The following RGS20 variants were observed in gnomAD, a reference collection of about 807,000 sequenced individuals.
The protein encoded by RGS20 is regulator of G protein signaling 20.
A neutral mutation model predicts 33.6 loss-of-function variants in RGS20; 30 were observed. The ratio of observed to expected loss-of-function variants is 0.89; its 90% CI spans 0.67 to 1.21. RGS20 has a LOEUF of 1.21. Ranked by LOEUF, RGS20 falls within the 50% of genes most tolerant of loss-of-function variation. The pLI is 0.00. For synonymous variants in RGS20, 208 were observed against 197.9 expected (o/e 1.05, Z -0.43); for missense variants, 472 against 502.4 (o/e 0.94, Z 0.58).
At chr8:53,871,112 C>CA (rs370091533) in intron 1 of RGS20, among the ~76,000 whole-genome samples, 3,300 of 21,404 alleles carry the variant, frequency 0.15, 642 homozygotes, top group Non-Finnish European at 0.22. Flanking sequence ...CTCCATCTCA[C>CA]AAAAAAAAAA....
chr8:53,897,006 C>A (rs1233196097), intron 2 of RGS20, among the ~76,000 whole-genome samples: 1 of 152,132 alleles, frequency 6.6e-6, no homozygotes, highest in Non-Finnish European at 1.5e-5. Context: ...ATGCTACTGT[C>A]CACGGGGGAT....
At chr8:53,879,848 G>A (rs1007420230) in intron 2 of RGS20, 15 of 420,008 alleles carry the variant, frequency 3.6e-5, no homozygotes, top group Middle Eastern at 5.9e-4. Context: ...CCTTTCCATG[G>A]TCCAAGAAAA....
At chr8:53,911,828 C>T (rs893015320) in intron 2 of RGS20, among the ~76,000 whole-genome samples, 1 of 152,106 alleles carries the variant, frequency 6.6e-6, no homozygotes, top group Non-Finnish European at 1.5e-5. Context: ...GTAATCCCAG[C>T]TACTCGGGAG....
chr8:53,950,813 C>T (rs1486276152), intron 4 of RGS20, among the ~76,000 whole-genome samples: 2 of 152,042 alleles, frequency 1.3e-5, no homozygotes, highest in Admixed American at 1.3e-4. Context: ...CGGGGTTTCA[C>T]CATGTTGCCC....
chr8:53,880,960 G>A, intron 2 of RGS20: 4 of 1,575,702 alleles, frequency 2.5e-6, no homozygotes, highest in Non-Finnish European at 2.6e-6. Flanking sequence ...AGCAATCGCC[G>A]ACGTAGAGAG....
chr8:53,947,950 G>GTA (rs1237433062), intron 4 of RGS20, among the ~76,000 whole-genome samples: 1 of 132,808 alleles, frequency 7.5e-6, no homozygotes, highest in Non-Finnish European at 1.5e-5. Flanking sequence ...ATAAGATATA[G>GTA]TATATATATT....
intron 2 of RGS20, among the ~76,000 whole-genome samples, chr8:53,926,787 C>T (rs969476168): frequency 1.3e-5 from 2 of 152,008 alleles, no homozygotes; most frequent in African/African-American, 4.8e-5. Flanking sequence ...TGGTGGGCGC[C>T]TGTAATCCCA....
intron 2 of RGS20, among the ~76,000 whole-genome samples, chr8:53,886,223 A>G (rs887679135): frequency 5.9e-5 from 9 of 152,194 alleles, no homozygotes; most frequent in African/African-American, 1.9e-4. Context: ...CAGCTAGCTC[A>G]AGAGTTAAGG....
chr8:53,879,688 C>T, intron 2 of RGS20: 2 of 1,149,162 alleles, frequency 1.7e-6, no homozygotes, highest in South Asian at 1.8e-5. Flanking sequence ...CCAACTGACC[C>T]GCTCCGCTGG....
chr8:53,925,735 C>CA (rs1285289729), intron 2 of RGS20, among the ~76,000 whole-genome samples: 81 of 142,824 alleles, frequency 5.7e-4, no homozygotes, highest in Admixed American at 3.5e-3. Flanking sequence ...AACTCAGTCT[C>CA]AAAAAAAAAA....
chr8:53,958,224 T>C (rs1277872033), intron 5 of RGS20, 46 bp from the exon 5 acceptor site: 7 of 1,384,928 alleles, frequency 5.1e-6, no homozygotes, highest in Non-Finnish European at 6.8e-6. Flanking sequence ...GGGATAGAGA[T>C]ACAACTGAAG....
chr8:53,954,241 T>C lies in RGS20; in HGVS notation c.909T>C (p.Asn303=), dbSNP rs779476237. The change falls in exon 5 of 6, where the codon AAT becomes AAC. Residue 303 remains asparagine, a synonymous_variant. Transcript: ENST00000297313. ...GTGAGGAACTGAAAAAGGAAGCTAA[T>C]AAAAACATTATTGAAGAGAAAGCAA... is the stretch of plus-strand genomic sequence containing the variant. The C allele has an allele frequency of 8.7e-6, 14 of 1,613,790 alleles. No individual in the cohort carries two copies. Among genetic ancestry groups the C allele is most frequent in the Non-Finnish European group, 1.1e-5 (13 of 1,179,808 alleles).
intron 1 of RGS20, among the ~76,000 whole-genome samples, chr8:53,867,559 C>T (rs1447756331): frequency 6.6e-6 from 1 of 152,146 alleles, no homozygotes; most frequent in Non-Finnish European, 1.5e-5. Flanking sequence ...GCACTCTTTA[C>T]TGTGTAAAAT....
intron 2 of RGS20, among the ~76,000 whole-genome samples, chr8:53,935,812 C>G (rs1452137764): frequency 6.6e-6 from 1 of 152,128 alleles, no homozygotes; most frequent in Non-Finnish European, 1.5e-5. Context: ...AAATTTCAGG[C>G]CAATATCCCT....
intron 2 of RGS20, among the ~76,000 whole-genome samples, chr8:53,925,582 A>G (rs965656659): frequency 4.6e-5 from 7 of 152,030 alleles, no homozygotes; most frequent in African/African-American, 1.7e-4. Flanking sequence ...GTAAAAATAC[A>G]AAATTAGCTG....
At chr8:53,954,903 GTCTTGATCTC>G (rs1030044188) in intron 5 of RGS20, among the ~76,000 whole-genome samples, 3 of 151,128 alleles carry the variant, frequency 2.0e-5, no homozygotes, top group African/African-American at 7.3e-5. Context: ...GGCCAGGATG[GTCTTGATCTC>G]TTGACCTCGT....
intron 1 of RGS20, among the ~76,000 whole-genome samples, chr8:53,874,368 GT>G (rs1271195932): frequency 1.5e-4 from 7 of 48,232 alleles, no homozygotes; most frequent in African/African-American, 1.1e-3. Flanking sequence ...GCAATAAGGG[GT>G]GTGTGTGTGT....
chr8:53,909,575 G>T (rs961728949), intron 2 of RGS20, among the ~76,000 whole-genome samples: 3 of 151,888 alleles, frequency 2.0e-5, no homozygotes, highest in African/African-American at 4.8e-5. Context: ...TTTTTTTAAA[G>T]GCTGTTATTA....
At chr8:53,934,108 G>A (rs775482859) in intron 2 of RGS20, among the ~76,000 whole-genome samples, 21 of 152,130 alleles carry the variant, frequency 1.4e-4, no homozygotes, top group Non-Finnish European at 1.9e-4. Context: ...CCTGAAGGAC[G>A]TACTACACAC....
Sources: gnomAD v4.1 joint callset for allele counts (sites outside exome capture counted in the v4.1 genomes callset) on GRCh38, gnomAD v4.1.1 for gene constraint, MANE v1.5 for transcripts, NCBI Gene and HGNC (gene_info 2026-07-23, HGNC 2026-07-21) for gene names.